The following SVEP1 variants were observed in gnomAD, a reference collection of about 807,000 sequenced individuals.
SVEP1 encodes the protein sushi, von Willebrand factor type A, EGF and pentraxin domain-containing protein 1.
SVEP1 carries 164 observed loss-of-function variants against 367.3 expected under a neutral mutation model. The ratio of observed to expected loss-of-function variants is 0.45; its 90% CI spans 0.39 to 0.51. The LOEUF (loss-of-function observed/expected upper bound fraction) is 0.51, where lower values mean the gene tolerates loss of function less well. Among genes scored for constraint, SVEP1 ranks in the 20% least tolerant of loss-of-function variants. The pLI is 0.00. For missense variants in SVEP1, 4,117 were observed against 4,425.3 expected, an observed-to-expected ratio of 0.93 and a Z score of 1.98; for synonymous variants, 1,666 against 1,611.6, an observed-to-expected ratio of 1.03 and a Z score of -0.81.
rs368055456 is a variant in SVEP1 at position 110,378,265 on chromosome 9, G to A, written c.10409-899C>T. Among the ~76,000 whole-genome samples the A allele has an allele frequency of 2.5e-3, 388 of 152,180 alleles. 3 individuals are homozygous for A. The highest frequency in any genetic ancestry group is 8.8e-3 in the African/African-American group (365 of 41,518). On this transcript the variant is annotated intron_variant, in intron 44 of 47. Transcript: ENST00000374469. ...GAAGTCTGGGATATTCCTTTAAGAT[G>A]TCCCCCCTCAAAAGGCTCTACATTC... is the stretch of plus-strand genomic sequence containing the variant.
intron 27 of SVEP1, among the ~76,000 whole-genome samples, chr9:110,439,755 A>T (rs1433317094): frequency 6.6e-6 from 1 of 152,080 alleles, no homozygotes; most frequent in Non-Finnish European, 1.5e-5. Context: ...TAACCCAAGC[A>T]GACTAAGACA....
intron 1 of SVEP1, among the ~76,000 whole-genome samples, chr9:110,560,751 G>C (rs746316920): frequency 6.6e-6 from 1 of 152,088 alleles, no homozygotes; most frequent in Non-Finnish European, 1.5e-5. Flanking sequence ...CCTTCTTTCT[G>C]ACCTATCACA....
chr9:110,444,090 T>G (rs1828554797), intron 26 of SVEP1, among the ~76,000 whole-genome samples: 1 of 152,216 alleles, frequency 6.6e-6, no homozygotes, highest in African/African-American at 2.4e-5. Flanking sequence ...GACATCCTTC[T>G]TCCAGAATGT....
intron 27 of SVEP1, among the ~76,000 whole-genome samples, chr9:110,441,257 T>C (rs893808380): frequency 1.1e-4 from 16 of 152,184 alleles, no homozygotes; most frequent in Non-Finnish European, 1.5e-4. Flanking sequence ...GAAATAATTA[T>C]ATGATTTTCA....
At chr9:110,507,032 T>C (rs1232536735) in intron 5 of SVEP1, among the ~76,000 whole-genome samples, 1 of 152,060 alleles carries the variant, frequency 6.6e-6, no homozygotes, top group African/African-American at 2.4e-5. Context: ...GAACAGAGAT[T>C]GGAGAGGAAA....
At chr9:110,415,078 T>C (rs1413713252) in intron 36 of SVEP1, among the ~76,000 whole-genome samples, 2 of 151,860 alleles carry the variant, frequency 1.3e-5, no homozygotes, top group African/African-American at 4.9e-5. Context: ...CCCCCTACGT[T>C]TGAGGGTTTT....
intron 45 of SVEP1, among the ~76,000 whole-genome samples, chr9:110,376,144 G>A (rs192359208): frequency 1.6e-4 from 25 of 152,320 alleles, no homozygotes; most frequent in Admixed American, 7.2e-4. Context: ...GCATCACCTA[G>A]GAGTTGGTTA....
intron 36 of SVEP1, among the ~76,000 whole-genome samples, chr9:110,424,471 T>C (rs1828223501): frequency 6.6e-6 from 1 of 152,186 alleles, no homozygotes; most frequent in Admixed American, 6.5e-5. Context: ...GGAATATGTA[T>C]TTAATAAAGA....
intron 3 of SVEP1, among the ~76,000 whole-genome samples, chr9:110,527,294 TA>T (rs1420010770): frequency 2.6e-5 from 4 of 152,050 alleles, no homozygotes; most frequent in South Asian, 2.1e-4. Context: ...AAAAATGTAA[TA>T]AAAATTTTTT....
Position 110,450,271 on chromosome 9 carries a change from A to AGAAG in SVEP1, c.3902-15_3902-12dup, listed in dbSNP as rs1828672526. 1 of 1,613,130 alleles carries AGAAG rather than the reference A, an allele frequency of 6.2e-7. No individual in the cohort carries two copies. The highest frequency in any genetic ancestry group is 1.3e-5 in the African/African-American group (1 of 74,840). ...TTTCACAATGCAGGCCTGAGGATGG[A>AGAAG]GAAGGAAGAGAAACAGCCCAAATGA... On this transcript the variant is annotated splice_polypyrimidine_tract_variant and intron_variant, in intron 23 of 47. Coordinates refer to ENST00000374469, the MANE Select transcript of SVEP1 (RefSeq NM_153366.4).
At chr9:110,372,812 T>A (rs1564121384) in intron 46 of SVEP1, among the ~76,000 whole-genome samples, 1 of 152,204 alleles carries the variant, frequency 6.6e-6, no homozygotes, top group Non-Finnish European at 1.5e-5. Flanking sequence ...ACAAGTGAGT[T>A]GTGCTTCAGC....
chr9:110,452,399 G>A (rs1272858274), intron 22 of SVEP1, among the ~76,000 whole-genome samples: 1 of 152,258 alleles, frequency 6.6e-6, no homozygotes, highest in Non-Finnish European at 1.5e-5. Flanking sequence ...ACCAGGTGTC[G>A]CTAATATGAG....
At chr9:110,374,147 TCCTC>T (rs1330248411) in intron 46 of SVEP1, among the ~76,000 whole-genome samples, 1 of 152,148 alleles carries the variant, frequency 6.6e-6, no homozygotes, top group African/African-American at 2.4e-5. Context: ...ATCCTCTCCT[TCCTC>T]CCACCCTCTA....
chr9:110,445,171 G>A (rs757104249), intron 26 of SVEP1, among the ~76,000 whole-genome samples: 6 of 152,138 alleles, frequency 3.9e-5, no homozygotes, highest in Admixed American at 3.3e-4. Flanking sequence ...GACCACAAAC[G>A]CTGGGTCAGT....
intron 20 of SVEP1, 31 bp from the exon 21 acceptor site, chr9:110,457,383 A>G (rs1476992221): frequency 1.3e-6 from 2 of 1,513,570 alleles, no homozygotes; most frequent in African/African-American, 1.4e-5. Context: ...TCAATCAGAG[A>G]CAAAGCACTC....
chr9:110,554,888 T>C (rs1021522305), intron 1 of SVEP1, among the ~76,000 whole-genome samples: 9 of 152,182 alleles, frequency 5.9e-5, no homozygotes, highest in Middle Eastern at 3.2e-3. Flanking sequence ...CAGAACCACC[T>C]TTGAGGAAAA....
At chr9:110,430,034 T>G in intron 33 of SVEP1, 30 bp from the exon 34 acceptor site, 1 of 1,601,278 alleles carries the variant, frequency 6.2e-7, no homozygotes, top group South Asian at 1.1e-5. Flanking sequence ...ACACGTGACT[T>G]TTTTGAGACT....
chr9:110,436,299 G>A, intron 28 of SVEP1, 81 bp downstream of exon 28: 1 of 1,524,846 alleles, frequency 6.6e-7, no homozygotes. Context: ...AATAAGTTAT[G>A]TCATCATTAG....
chr9:110,458,790 T>A (rs1441999466), intron 19 of SVEP1, among the ~76,000 whole-genome samples, 162 bp downstream of exon 19: 1 of 152,202 alleles, frequency 6.6e-6, no homozygotes, highest in African/African-American at 2.4e-5. Context: ...AAAACAAGAC[T>A]CTTTGTGTCA....
Sources: gnomAD v4.1 joint callset for allele counts (sites outside exome capture counted in the v4.1 genomes callset) on GRCh38, gnomAD v4.1.1 for gene constraint, MANE v1.5 for transcripts, NCBI Gene and HGNC (gene_info 2026-07-23, HGNC 2026-07-21) for gene names.